PTPRG: variants seen among roughly 807,000 people sequenced by gnomAD.
PTPRG encodes the protein receptor-type tyrosine-protein phosphatase gamma.
PTPRG carries 102 observed loss-of-function variants against 165.3 expected under a neutral mutation model. The observed-to-expected ratio is 0.62, with a 90% confidence interval of 0.53 to 0.73. The LOEUF is 0.73. PTPRG is among the 30% of genes least tolerant of loss of function. The pLI is 0.00. For synonymous variants in PTPRG, 675 were observed against 669.5 expected (o/e 1.01, Z -0.13); for missense variants, 1,866 against 1,861.4 (o/e 1.00, Z -0.05).
intron 2 of PTPRG, among the ~76,000 whole-genome samples, chr3:61,767,411 A>C (rs1483226423): frequency 6.6e-6 from 1 of 152,160 alleles, no homozygotes; most frequent in Non-Finnish European, 1.5e-5. Context: ...CCATGTAGAC[A>C]AATCCAAAAT....
At chr3:61,650,775 T>G (rs1436146426) in intron 1 of PTPRG, among the ~76,000 whole-genome samples, 1 of 152,258 alleles carries the variant, frequency 6.6e-6, no homozygotes, top group Non-Finnish European at 1.5e-5. Flanking sequence ...AACACTTAAT[T>G]GTTTAACTCT....
At chr3:61,759,407 C>T (rs577457824) in intron 2 of PTPRG, among the ~76,000 whole-genome samples, 2 of 152,254 alleles carry the variant, frequency 1.3e-5, no homozygotes, top group Non-Finnish European at 2.9e-5. Flanking sequence ...GTAATCTCAA[C>T]ACTTTGGAAG....
At chr3:62,204,137 G>A (rs1700166773) in intron 12 of PTPRG, among the ~76,000 whole-genome samples, 187 bp downstream of exon 12, 1 of 152,144 alleles carries the variant, frequency 6.6e-6, no homozygotes, top group African/African-American at 2.4e-5. Context: ...TACTCCAAAA[G>A]CCTACTCTCT....
chr3:61,709,689 C>G (rs2031452981), intron 1 of PTPRG, among the ~76,000 whole-genome samples: 1 of 152,174 alleles, frequency 6.6e-6, no homozygotes, highest in Non-Finnish European at 1.5e-5. Context: ...AAGATACTTA[C>G]TATCTAGCCG....
intron 2 of PTPRG, among the ~76,000 whole-genome samples, chr3:61,869,309 G>C (rs762581115): frequency 1.3e-5 from 2 of 152,136 alleles, no homozygotes; most frequent in African/African-American, 4.8e-5. Context: ...GCCCTCTTTT[G>C]TAAGAAGTAC....
intron 2 of PTPRG, chr3:61,925,973 G>C (rs543245237): frequency 2.1e-6 from 1 of 467,156 alleles, no homozygotes; most frequent in Middle Eastern, 4.6e-4. Flanking sequence ...CTGACCAGCA[G>C]CACCAGCGTC....
At chr3:62,037,634 G>C (rs528704596) in intron 4 of PTPRG, among the ~76,000 whole-genome samples, 1 of 152,108 alleles carries the variant, frequency 6.6e-6, no homozygotes, top group African/African-American at 2.4e-5. Flanking sequence ...ATCCATCTAG[G>C]AACTGTTTGG....
rs770877356 is a variant in PTPRG, at chr3:62,277,038, C to T, written c.3626C>T (p.Ser1209Phe). 3 of 1,611,842 alleles carry T rather than the reference C, an allele frequency of 1.9e-6. No individual in the cohort carries two copies. Among genetic ancestry groups the T allele is most frequent in the Non-Finnish European group, 8.5e-7 (1 of 1,178,464 alleles). Residue 1209 changes from serine to phenylalanine, a missense_variant, in exon 25 of 30, where the codon TCT (serine) becomes TTT (phenylalanine). Transcript: ENST00000474889. Reference protein sequence around the residue: ...GMKGTDYINASYIMGYYRSNE... With the variant: ...GMKGTDYINAFYIMGYYRSNE... Reference sequence around the variant, plus strand: ...AAAGGAACAGATTACATTAATGCTTCTTATATCATGGTGAGAGTCAACAGT... The same window carrying T: ...AAAGGAACAGATTACATTAATGCTTTTTATATCATGGTGAGAGTCAACAGT...
chr3:62,050,523 T>G (rs1356634924), intron 4 of PTPRG, among the ~76,000 whole-genome samples: 1 of 152,220 alleles, frequency 6.6e-6, no homozygotes, highest in East Asian at 1.9e-4. Flanking sequence ...GACACTTGAC[T>G]GTCTAGATTT....
At chr3:62,188,861 G>A (rs980529743) in intron 8 of PTPRG, among the ~76,000 whole-genome samples, 15 of 152,090 alleles carry the variant, frequency 9.9e-5, no homozygotes, top group Admixed American at 9.2e-4. Flanking sequence ...CATCATTATG[G>A]GATATAGAAG....
intron 1 of PTPRG, among the ~76,000 whole-genome samples, chr3:61,728,582 C>CA (rs1167509449): frequency 6.0e-5 from 9 of 150,218 alleles, no homozygotes; most frequent in Admixed American, 1.3e-4. Context: ...GACCTTGTCT[C>CA]AAAAAAAACA....
chr3:62,068,501 A>G (rs1369697916), intron 4 of PTPRG, among the ~76,000 whole-genome samples: 1 of 152,186 alleles, frequency 6.6e-6, no homozygotes, highest in East Asian at 1.9e-4. Flanking sequence ...ATTGAAGCAG[A>G]GTCTCACTGT....
At chr3:61,956,850 C>G (rs754281338) in intron 2 of PTPRG, among the ~76,000 whole-genome samples, 3 of 152,044 alleles carry the variant, frequency 2.0e-5, no homozygotes, top group African/African-American at 7.2e-5. Context: ...CCCTCTTTAT[C>G]CTGGAATAGT....
At chr3:61,726,396 G>C (rs2032257597) in intron 1 of PTPRG, among the ~76,000 whole-genome samples, 1 of 152,118 alleles carries the variant, frequency 6.6e-6, no homozygotes, top group Non-Finnish European at 1.5e-5. Flanking sequence ...AGTATATCTA[G>C]AGAAATTGAG....
At chr3:62,067,607 G>A (rs1701059510) in intron 4 of PTPRG, among the ~76,000 whole-genome samples, 1 of 152,210 alleles carries the variant, frequency 6.6e-6, no homozygotes, top group African/African-American at 2.4e-5. Flanking sequence ...TTTCTTGCAA[G>A]TAGATGGTCC....
intron 2 of PTPRG, among the ~76,000 whole-genome samples, chr3:61,915,036 C>T (rs903500146): frequency 1.3e-5 from 2 of 152,180 alleles, no homozygotes; most frequent in Non-Finnish European, 2.9e-5. Flanking sequence ...CCAGGCCAGC[C>T]TGAACAACAT....
At position 62,086,991 on chromosome 3, in the gene PTPRG, T is replaced by A. The variant is rs1701773557; in HGVS notation, c.615+8733T>A. 2.0e-5 allele frequency among the ~76,000 whole-genome samples: 3 copies of A among 152,246 alleles called. No homozygotes were observed. The South Asian group carries it at 6.2e-4, about 31-fold the overall frequency. ...ACTTTGAATTCTTTGAATGTGACCATGTGAAAATCTATTTAAATTAAATCA... is the reference window on the plus strand; with the variant it reads ...ACTTTGAATTCTTTGAATGTGACCAAGTGAAAATCTATTTAAATTAAATCA... On this transcript the variant is annotated intron_variant, in intron 5 of 29. Coordinates refer to ENST00000474889, the MANE Select transcript of PTPRG (RefSeq NM_002841.4).
chr3:62,128,538 G>A (rs932663387), intron 5 of PTPRG, among the ~76,000 whole-genome samples: 5 of 151,760 alleles, frequency 3.3e-5, no homozygotes, highest in African/African-American at 1.2e-4. Flanking sequence ...AGGTCAACTT[G>A]TTGCCCGGTG....
intron 2 of PTPRG, among the ~76,000 whole-genome samples, chr3:61,827,696 G>T (rs1255989228): frequency 6.6e-6 from 1 of 151,984 alleles, no homozygotes; most frequent in African/African-American, 2.4e-5. Context: ...CCAATATTTT[G>T]CCTCATTAGG....
Sources: allele counts gnomAD v4.1 joint callset (sites outside exome capture counted in the v4.1 genomes callset), GRCh38; gene constraint gnomAD v4.1.1; transcripts MANE v1.5; gene names NCBI Gene and HGNC (gene_info 2026-07-23, HGNC 2026-07-21).